Variants in GABRR1 observed in about 807,000 individuals in gnomAD.
The protein encoded by GABRR1 is gamma-aminobutyric acid type A receptor subunit rho1.
A neutral mutation model predicts 55.5 loss-of-function variants in GABRR1; 59 were observed. That is an observed-to-expected ratio of 1.06 (90% CI 0.86 to 1.32). The LOEUF (loss-of-function observed/expected upper bound fraction) is 1.32, where lower values mean the gene tolerates loss of function less well. Among genes scored for constraint, GABRR1 ranks in the 40% most tolerant of loss-of-function variants. The probability of loss-of-function intolerance (pLI) is 0.00; values close to 1 mark genes in which losing one functional copy is unlikely to be tolerated. For synonymous variants in GABRR1, 213 were observed against 226.0 expected, an observed-to-expected ratio of 0.94 and a Z score of 0.51; for missense variants, 602 against 619.1, an observed-to-expected ratio of 0.97 and a Z score of 0.29.
chr6:89,222,543 AC>A (rs916215254), intron 1 of GABRR1, among the ~76,000 whole-genome samples: 59 of 151,924 alleles, frequency 3.9e-4, no homozygotes, highest in African/African-American at 1.4e-3. Context: ...CAAAGGAACC[AC>A]CCCCGTTCTG....
intron 1 of GABRR1, among the ~76,000 whole-genome samples, chr6:89,229,668 C>A (rs1374730897): frequency 4.2e-5 from 4 of 95,802 alleles, no homozygotes; most frequent in African/African-American, 1.1e-4. Flanking sequence ...GAGGGTAACC[C>A]GACCTTTCTC....
intron 6 of GABRR1, among the ~76,000 whole-genome samples, chr6:89,187,697 C>A (rs1167672040): frequency 6.6e-6 from 1 of 152,220 alleles, no homozygotes; most frequent in Non-Finnish European, 1.5e-5. Context: ...ACGCTAAGTA[C>A]CTCTTAAAAG....
intron 1 of GABRR1, 62 bp from the exon 2 acceptor site, chr6:89,203,547 G>T: frequency 1.7e-6 from 2 of 1,186,680 alleles, no homozygotes; most frequent in Non-Finnish European, 2.5e-6. Context: ...GATCAACCAA[G>T]CACCCCTCTC....
At chr6:89,212,763 G>C (rs1463575857) in intron 1 of GABRR1, among the ~76,000 whole-genome samples, 1 of 152,062 alleles carries the variant, frequency 6.6e-6, no homozygotes, top group Non-Finnish European at 1.5e-5. Flanking sequence ...TGACATCCCA[G>C]GCTCAAGCCA....
intron 9 of GABRR1, 102 bp downstream of exon 9, chr6:89,180,190 T>C (rs1192667777): frequency 6.1e-5 from 75 of 1,234,222 alleles, no homozygotes; most frequent in Non-Finnish European, 7.4e-5. Context: ...CAGGAGAGGG[T>C]ATCATGACCT....
chr6:89,215,184 T>C (rs1772947514), intron 1 of GABRR1, among the ~76,000 whole-genome samples: 1 of 152,192 alleles, frequency 6.6e-6, no homozygotes. Context: ...AGCAATCCCA[T>C]GTCCAGGTAT....
At chr6:89,206,462 G>A (rs758518212) in intron 1 of GABRR1, among the ~76,000 whole-genome samples, 6 of 151,964 alleles carry the variant, frequency 3.9e-5, no homozygotes, top group African/African-American at 9.7e-5. Context: ...ACAACTCCAC[G>A]CATTCCCAGA....
At chr6:89,189,750 A>G (rs943097416) in intron 6 of GABRR1, among the ~76,000 whole-genome samples, 10 of 152,134 alleles carry the variant, frequency 6.6e-5, no homozygotes, top group African/African-American at 2.2e-4. Flanking sequence ...CCTAGCTTCA[A>G]TCTAACACAT....
upstream of GABRR1, among the ~76,000 whole-genome samples, chr6:89,218,831 G>C (rs1355810380): frequency 6.6e-6 from 1 of 152,210 alleles, no homozygotes; most frequent in African/African-American, 2.4e-5. Context: ...CAGTTAGTAA[G>C]GAAAGTCACT....
At position 89,201,227 on chromosome 6, in the gene GABRR1, G is replaced by A; in HGVS notation, c.212C>T (p.Pro71Leu). The A allele has an allele frequency of 6.2e-7, 1 of 1,614,190 alleles. No individual in the cohort carries two copies. The highest frequency in any genetic ancestry group is 8.5e-7 in the Non-Finnish European group (1 of 1,180,020). The change falls in exon 3 of 10, where the codon CCT becomes CTT. Residue 71 changes from proline to leucine, a missense_variant. Coordinates refer to ENST00000454853, the MANE Select transcript of GABRR1 (RefSeq NM_002042.5). Reference protein sequence around the residue: ...LRRSPDITKSPLTKSEQLLRI... With the variant: ...LRRSPDITKSLLTKSEQLLRI... ...CAGAAGCTGTTCTGACTTTGTCAGA[G>A]GCGATTTGGTGATGTCAGGACTTCG...
chr6:89,181,956 A>G lies in GABRR1; in HGVS notation c.898T>C (p.Trp300Arg), dbSNP rs930273709. 5.0e-6 allele frequency: 8 copies of G among 1,614,198 alleles called. No homozygotes were observed. Among genetic ancestry groups the G allele is most frequent in the Non-Finnish European group, 6.8e-6 (8 of 1,180,028 alleles). Residue 300 changes from tryptophan to arginine, a missense_variant, in exon 8 of 10, where the codon TGG (tryptophan) becomes CGG (arginine). Transcript: ENST00000454853. ...FPATLMVMLS[W>R]VSFWIDRRAV... is the part of the protein sequence containing the mutation. ...CTGCGGTCGATCCAGAAGGACACCCAGGACAGCATGACCATCAGGGTAGCG... is the reference window on the plus strand; with the variant it reads ...CTGCGGTCGATCCAGAAGGACACCCGGGACAGCATGACCATCAGGGTAGCG...
intron 1 of GABRR1, among the ~76,000 whole-genome samples, chr6:89,211,645 C>T (rs1268908207): frequency 1.3e-5 from 2 of 152,158 alleles, no homozygotes; most frequent in East Asian, 1.9e-4. Context: ...TGCTAGAACA[C>T]CTTCCTAGTC....
At chr6:89,205,898 C>T (rs547805147) in intron 1 of GABRR1, among the ~76,000 whole-genome samples, 4 of 151,730 alleles carry the variant, frequency 2.6e-5, no homozygotes, top group African/African-American at 7.3e-5. Context: ...CACCCCCCGC[C>T]CCCCCATCTC....
Position 89,180,496 on chromosome 6 carries a change from C to A in GABRR1, c.950-8G>T. The A allele has an allele frequency of 6.2e-7, 1 of 1,611,672 alleles. No homozygotes were observed. ...TCAGCACCGTTGTGATACCTGCAAA[C>A]ACAAGAATGAGAAACAAGTGTTTGC... On this transcript the variant is annotated splice_region_variant and splice_polypyrimidine_tract_variant and intron_variant, in intron 8 of 9. Transcript: ENST00000454853.
chr6:89,199,073 C>T (rs1772386330), intron 4 of GABRR1, among the ~76,000 whole-genome samples: 1 of 152,152 alleles, frequency 6.6e-6, no homozygotes. Context: ...TTAGCAGCTG[C>T]AAACTTGGGC....
At chr6:89,184,760 A>C (rs1435402602) in intron 7 of GABRR1, among the ~76,000 whole-genome samples, 1 of 152,152 alleles carries the variant, frequency 6.6e-6, no homozygotes, top group African/African-American at 2.4e-5. Context: ...TTATGTTTTA[A>C]GTTCTTACTA....
intron 2 of GABRR1, among the ~76,000 whole-genome samples, chr6:89,201,551 G>A (rs144260799): frequency 0.029 from 4,340 of 152,226 alleles, 195 homozygotes; most frequent in African/African-American, 0.097. Flanking sequence ...AGTCCGAGGC[G>A]GGTGGATCAC....
At chr6:89,217,086 G>C (rs754450795) in intron 1 of GABRR1, 115 bp downstream of exon 1, 7 of 1,084,886 alleles carry the variant, frequency 6.5e-6, no homozygotes, top group Non-Finnish European at 7.8e-6. Flanking sequence ...GAAGAAAAAG[G>C]CATCCACACA....
intron 1 of GABRR1, among the ~76,000 whole-genome samples, chr6:89,224,449 A>C (rs1400944475): frequency 6.6e-6 from 1 of 151,948 alleles, no homozygotes; most frequent in Non-Finnish European, 1.5e-5. Flanking sequence ...GCATTTTTTC[A>C]TGTTTGTTGG....
Sources: gnomAD v4.1 joint callset for allele counts (sites outside exome capture counted in the v4.1 genomes callset) on GRCh38, gnomAD v4.1.1 for gene constraint, MANE v1.5 for transcripts, NCBI Gene and HGNC (gene_info 2026-07-23, HGNC 2026-07-21) for gene names.